The following DOCK4 variants were observed in gnomAD, a reference collection of about 807,000 sequenced individuals.
DOCK4 encodes dedicator of cytokinesis protein 4.
DOCK4 carries 97 observed loss-of-function variants against 268.1 expected under a neutral mutation model. The ratio of observed to expected loss-of-function variants is 0.36; its 90% CI spans 0.31 to 0.43. The LOEUF (loss-of-function observed/expected upper bound fraction) is 0.43, where lower values mean the gene tolerates loss of function less well. Ranked by LOEUF, DOCK4 falls within the 20% of genes least tolerant of loss-of-function variation. The pLI is 1.00. For synonymous variants in DOCK4, 954 were observed against 887.2 expected (o/e 1.08, Z -1.34); for missense variants, 2,145 against 2,455.7 (o/e 0.87, Z 2.67).
chr7:111,907,449 G>T (rs955297657), intron 13 of DOCK4, among the ~76,000 whole-genome samples: 1 of 140,540 alleles, frequency 7.1e-6, no homozygotes, highest in East Asian at 2.0e-4. Flanking sequence ...CCCGTTGGGG[G>T]AACTCCTATA....
chr7:112,061,070 C>T (rs545472148), intron 1 of DOCK4, among the ~76,000 whole-genome samples: 1 of 151,842 alleles, frequency 6.6e-6, no homozygotes, highest in East Asian at 1.9e-4. Context: ...CCTTTTTTTC[C>T]CACATGAATA....
At chr7:111,840,004 A>G (rs1486707421) in intron 25 of DOCK4, among the ~76,000 whole-genome samples, 3 of 152,136 alleles carry the variant, frequency 2.0e-5, no homozygotes, top group Admixed American at 6.5e-5. Flanking sequence ...ATAATTTATT[A>G]AAAAGAAATA....
rs141392082 is a variant in DOCK4, at chr7:111,891,250, A to G, written c.1587+4362T>C. Among the ~76,000 whole-genome samples the G allele has an allele frequency of 7.2e-3, 1,089 of 152,248 alleles. 8 individuals are homozygous for G. Among genetic ancestry groups the G allele is most frequent in the South Asian group, 0.031 (149 of 4,830 alleles). On this transcript the variant is annotated intron_variant, in intron 16 of 52. Coordinates refer to ENST00000428084, the MANE Select transcript of DOCK4 (RefSeq NM_001363540.2). Reference sequence around the variant, plus strand: ...TCCACTAACAAAAAATTTAAGCAATATGAAAATAAAAAGTCATTAATATTT... The same window carrying G: ...TCCACTAACAAAAAATTTAAGCAATGTGAAAATAAAAAGTCATTAATATTT...
intron 1 of DOCK4, among the ~76,000 whole-genome samples, chr7:112,027,345 C>T (rs551057386): frequency 2.0e-5 from 3 of 152,142 alleles, no homozygotes; most frequent in African/African-American, 7.2e-5. Flanking sequence ...CCGCCTCAGC[C>T]TCCCAAGCAG....
chr7:111,917,392 G>C (rs1407914708), intron 12 of DOCK4, among the ~76,000 whole-genome samples: 3 of 152,036 alleles, frequency 2.0e-5, no homozygotes, highest in South Asian at 2.1e-4. Context: ...AAAACATTCA[G>C]TCATCATTAA....
chr7:112,102,623 T>C (rs1233350241), intron 1 of DOCK4, among the ~76,000 whole-genome samples: 1 of 152,130 alleles, frequency 6.6e-6, no homozygotes, highest in Admixed American at 6.5e-5. Flanking sequence ...CTTTCCAACA[T>C]GTGAGGACAC....
At chr7:111,993,889 C>A (rs1411209927) in intron 5 of DOCK4, among the ~76,000 whole-genome samples, 2 of 152,136 alleles carry the variant, frequency 1.3e-5, no homozygotes, top group East Asian at 3.8e-4. Context: ...TCCATGTAAA[C>A]CATCCTATTT....
chr7:112,151,092 A>G (rs538834231), intron 1 of DOCK4, among the ~76,000 whole-genome samples: 1 of 152,290 alleles, frequency 6.6e-6, no homozygotes, highest in South Asian at 2.1e-4. Flanking sequence ...GTATACTTTT[A>G]TCATACCCTG....
intron 2 of DOCK4, among the ~76,000 whole-genome samples, chr7:112,000,876 A>G (rs964017486): frequency 1.3e-5 from 2 of 152,160 alleles, no homozygotes; most frequent in Non-Finnish European, 2.9e-5. Flanking sequence ...GACATCTCTG[A>G]GTACCACTTC....
rs560800254 is a variant in DOCK4, at chr7:112,155,716, A to G, written c.37+50386T>C. On this transcript the variant is annotated intron_variant, in intron 1 of 52. Coordinates refer to ENST00000428084, the MANE Select transcript of DOCK4 (RefSeq NM_001363540.2). ...ATGTGAGTCAGAGTCCCAGGGAAGTATTTGAGTTTGTCAGTGGTTCTGCTA... is the reference window on the plus strand; with the variant it reads ...ATGTGAGTCAGAGTCCCAGGGAAGTGTTTGAGTTTGTCAGTGGTTCTGCTA... Among the ~76,000 whole-genome samples, 81 of 152,234 alleles carry G rather than the reference A, an allele frequency of 5.3e-4. No individual in the cohort carries two copies. The South Asian group carries it at 0.013, about 25-fold the overall frequency.
intron 8 of DOCK4, among the ~76,000 whole-genome samples, chr7:111,954,771 AC>A (rs1796327469): frequency 6.6e-6 from 1 of 151,976 alleles, no homozygotes; most frequent in Non-Finnish European, 1.5e-5. Flanking sequence ...GCCTGTCTGC[AC>A]CCAGGCGCTC....
chr7:111,850,523 AC>A (rs1466647208), intron 23 of DOCK4, among the ~76,000 whole-genome samples: 1 of 151,804 alleles, frequency 6.6e-6, no homozygotes, highest in Non-Finnish European at 1.5e-5. Context: ...AACCCATCAT[AC>A]CCCCTGTGAC....
At chr7:112,159,113 C>T (rs768797990) in intron 1 of DOCK4, among the ~76,000 whole-genome samples, 8 of 152,174 alleles carry the variant, frequency 5.3e-5, no homozygotes, top group Non-Finnish European at 1.0e-4. Context: ...CCTACCAGTA[C>T]ATCACTGCAA....
chr7:111,859,456 G>C (rs1247456349), intron 23 of DOCK4, among the ~76,000 whole-genome samples: 1 of 151,622 alleles, frequency 6.6e-6, no homozygotes, highest in Non-Finnish European at 1.5e-5. Flanking sequence ...TTTGGATACA[G>C]TTATCTCTGG....
intron 23 of DOCK4, among the ~76,000 whole-genome samples, chr7:111,853,676 G>A (rs770969657): frequency 1.3e-5 from 2 of 152,134 alleles, no homozygotes; most frequent in African/African-American, 2.4e-5. Flanking sequence ...TAAGCTCCCA[G>A]ATCCCACCCA....
intron 6 of DOCK4, among the ~76,000 whole-genome samples, chr7:111,988,253 A>C (rs1310229671): frequency 6.6e-6 from 1 of 152,180 alleles, no homozygotes; most frequent in Admixed American, 6.5e-5. Context: ...GTGGGTTATT[A>C]AGGAACCATG....
intron 1 of DOCK4, among the ~76,000 whole-genome samples, chr7:112,071,371 C>T (rs933868795): frequency 1.3e-5 from 2 of 152,096 alleles, no homozygotes; most frequent in South Asian, 2.1e-4. Context: ...CAGCACCTGG[C>T]AGAGTGTATT....
chr7:111,887,294 T>C (rs1459614158), intron 16 of DOCK4, among the ~76,000 whole-genome samples: 1 of 152,172 alleles, frequency 6.6e-6, no homozygotes, highest in Non-Finnish European at 1.5e-5. Context: ...ACTGAAGATG[T>C]TCAGTAGGCT....
chr7:111,947,699 T>C lies in DOCK4; in HGVS notation c.702-1901A>G, dbSNP rs530695663. On this transcript the variant is annotated intron_variant, in intron 8 of 52. Transcript: ENST00000428084. ...CTCTTCACAGTAAAAGAAAATAAAA[T>C]TCATTATTATTTCAAATTTATCATT... Among the ~76,000 whole-genome samples the C allele has an allele frequency of 5.3e-5, 8 of 152,236 alleles. No homozygotes were observed. In the South Asian group the frequency reaches 1.7e-3, roughly 32 times the overall value.
Sources: allele counts gnomAD v4.1 joint callset (sites outside exome capture counted in the v4.1 genomes callset), GRCh38; gene constraint gnomAD v4.1.1; transcripts MANE v1.5; gene names NCBI Gene and HGNC (gene_info 2026-07-23, HGNC 2026-07-21).